Variants in CHST11 observed in about 807,000 individuals in gnomAD.
CHST11 encodes C4S-1.
CHST11 carries 9 observed loss-of-function variants against 30.4 expected under a neutral mutation model. That is an observed-to-expected ratio of 0.30 (90% CI 0.18 to 0.52). CHST11 has a LOEUF of 0.52. Ranked by LOEUF, CHST11 falls within the 20% of genes least tolerant of loss-of-function variation. The pLI, the probability that CHST11 is intolerant of heterozygous loss-of-function variation, is 0.97. For synonymous variants in CHST11, 152 were observed against 187.8 expected, an observed-to-expected ratio of 0.81 and a Z score of 1.56; for missense variants, 348 against 460.6, an observed-to-expected ratio of 0.76 and a Z score of 2.24.
At chr12:104,521,194 C>A (rs910632092) in intron 1 of CHST11, among the ~76,000 whole-genome samples, 4 of 152,140 alleles carry the variant, frequency 2.6e-5, no homozygotes, top group African/African-American at 9.7e-5. Context: ...CCTGGTGGGA[C>A]CTTTAAGGTG....
chr12:104,743,298 C>A (rs1156537836), intron 2 of CHST11, among the ~76,000 whole-genome samples: 1 of 152,204 alleles, frequency 6.6e-6, no homozygotes, highest in African/African-American at 2.4e-5. Context: ...CCAGAGGTGT[C>A]TCTTAATATC....
intron 1 of CHST11, among the ~76,000 whole-genome samples, chr12:104,568,456 A>T (rs930332827): frequency 2.6e-5 from 4 of 152,108 alleles, no homozygotes; most frequent in Admixed American, 1.3e-4. Flanking sequence ...TGCTTGGTAC[A>T]CATTTACTGA....
At chr12:104,590,596 T>C (rs1256371188) in intron 1 of CHST11, among the ~76,000 whole-genome samples, 2 of 152,182 alleles carry the variant, frequency 1.3e-5, no homozygotes, top group Non-Finnish European at 2.9e-5. Context: ...GCATTTAAGA[T>C]AAAAAGACAG....
intron 1 of CHST11, among the ~76,000 whole-genome samples, chr12:104,590,960 G>A (rs1341554390): frequency 6.6e-6 from 1 of 152,076 alleles, no homozygotes; most frequent in Non-Finnish European, 1.5e-5. Flanking sequence ...GGGAGGAACA[G>A]GAGAGAGAGG....
chr12:104,543,136 C>T (rs1156448216), intron 1 of CHST11, among the ~76,000 whole-genome samples: 6 of 152,080 alleles, frequency 3.9e-5, no homozygotes, highest in South Asian at 2.1e-4. Flanking sequence ...GAAGGGGAGC[C>T]GGGGTGTCAC....
intron 2 of CHST11, among the ~76,000 whole-genome samples, chr12:104,699,468 G>C (rs1404517661): frequency 6.6e-6 from 1 of 152,110 alleles, no homozygotes; most frequent in African/African-American, 2.4e-5. Flanking sequence ...TGCTTTCGAA[G>C]GTGGCTGCTA....
intron 2 of CHST11, among the ~76,000 whole-genome samples, chr12:104,660,344 C>T (rs1429906053): frequency 1.3e-5 from 2 of 152,208 alleles, no homozygotes; most frequent in South Asian, 2.1e-4. Context: ...TGGGTCTCTG[C>T]GGCATTGCCA....
chr12:104,475,570 T>A (rs1409123171), intron 1 of CHST11, among the ~76,000 whole-genome samples: 1 of 148,808 alleles, frequency 6.7e-6, no homozygotes, highest in African/African-American at 2.5e-5. Flanking sequence ...TGGCATAAAA[T>A]TTATCAAGGG....
At chr12:104,725,364 C>T (rs2040208705) in intron 2 of CHST11, among the ~76,000 whole-genome samples, 1 of 152,190 alleles carries the variant, frequency 6.6e-6, no homozygotes. Flanking sequence ...AGACCTGGTT[C>T]TTCAGCCCAG....
intron 2 of CHST11, among the ~76,000 whole-genome samples, chr12:104,697,621 T>C (rs1312761279): frequency 6.6e-6 from 1 of 152,200 alleles, no homozygotes; most frequent in African/African-American, 2.4e-5. Flanking sequence ...TATATCCTAC[T>C]GATTCTGTTC....
At chr12:104,488,523 CTGTGTGTATA>C (rs1404713782) in intron 1 of CHST11, among the ~76,000 whole-genome samples, 2 of 146,874 alleles carry the variant, frequency 1.4e-5, no homozygotes, top group Non-Finnish European at 3.0e-5. Flanking sequence ...GTGTGTATCT[CTGTGTGTATA>C]TGTGTGTATG....
chr12:104,757,738 G>A lies in CHST11; in HGVS notation c.994G>A (p.Glu332Lys), dbSNP rs139158533. The A allele has an allele frequency of 4.4e-5, 71 of 1,614,142 alleles. No homozygotes were observed. The highest frequency in any genetic ancestry group is 5.8e-5 in the Non-Finnish European group (68 of 1,180,024). ...CTCAGAGCACCAAACGCAGCTGTACGAAGTCTACAAACTCGATTTTTTAAT... is the reference window on the plus strand; with the variant it reads ...CTCAGAGCACCAAACGCAGCTGTACAAAGTCTACAAACTCGATTTTTTAAT... ...ISSEHQTQLY[E>K]VYKLDFLMFN... The change falls in exon 3 of 3, where the codon GAA becomes AAA. Residue 332 changes from glutamate (E) to lysine (K), a missense_variant. By Grantham distance (56) the Glu-to-Lys change is moderately conservative. This residue lies in a region of CHST11 where 210 missense variants were observed against 287.2 expected (regional missense o/e 0.73). Coordinates refer to ENST00000303694, the MANE Select transcript of CHST11 (RefSeq NM_018413.6). This position sits in a 1 kb window ranked among gnomAD's most constrained non-coding sequence, Gnocchi z 6.5.
chr12:104,521,038 A>G (rs548844587), intron 1 of CHST11, among the ~76,000 whole-genome samples: 3 of 152,220 alleles, frequency 2.0e-5, no homozygotes, highest in Non-Finnish European at 4.4e-5. Context: ...AGCTGCCCTA[A>G]TTAAATAGTA....
At chr12:104,716,393 G>A (rs139051521) in intron 2 of CHST11, among the ~76,000 whole-genome samples, 150 of 152,372 alleles carry the variant, frequency 9.8e-4, no homozygotes, top group Middle Eastern at 3.4e-3. Flanking sequence ...CTATGCCTCA[G>A]TTTCCTCATC....
chr12:104,601,839 C>CT, intron 1 of CHST11, 67 bp from the exon 2 acceptor site: 1 of 1,345,302 alleles, frequency 7.4e-7, no homozygotes, highest in Non-Finnish European at 1.1e-6. Flanking sequence ...TACTCTGTGC[C>CT]TTTTTCTTTG....
intron 2 of CHST11, among the ~76,000 whole-genome samples, chr12:104,691,696 G>A (rs2039898049): frequency 6.6e-6 from 1 of 152,018 alleles, no homozygotes; most frequent in Non-Finnish European, 1.5e-5. Flanking sequence ...CACCATGTTG[G>A]CCAGGATGGT....
At chr12:104,635,084 TC>T (rs2039310763) in intron 2 of CHST11, among the ~76,000 whole-genome samples, 1 of 151,636 alleles carries the variant, frequency 6.6e-6, no homozygotes, top group Non-Finnish European at 1.5e-5. Context: ...TGGAGTCCTG[TC>T]CTGCCCCCGT....
chr12:104,677,114 ATGAAGTAATG>A (rs1196288369), intron 2 of CHST11, among the ~76,000 whole-genome samples: 5 of 152,230 alleles, frequency 3.3e-5, no homozygotes, highest in African/African-American at 1.2e-4. Flanking sequence ...AGAGCACAAA[ATGAAGTAATG>A]TGTGGAAAGT....
intron 1 of CHST11, among the ~76,000 whole-genome samples, chr12:104,567,457 C>G (rs558526028): frequency 2.0e-5 from 3 of 152,308 alleles, no homozygotes; most frequent in South Asian, 2.1e-4. Context: ...GTCTGTCCCT[C>G]TCTCCCTGCC....
Sources: allele counts gnomAD v4.1 joint callset (sites outside exome capture counted in the v4.1 genomes callset), GRCh38; gene constraint gnomAD v4.1.1; regional missense constraint gnomAD v4.1.1; non-coding constraint Gnocchi (gnomAD v3.1); transcripts MANE v1.5; gene names NCBI Gene and HGNC (gene_info 2026-07-23, HGNC 2026-07-21).